Variants in NIBAN2 observed in about 807,000 individuals in gnomAD.
The protein encoded by NIBAN2 is niban apoptosis regulator 2.
In NIBAN2, 36 loss-of-function variants were observed where a neutral mutation model predicts 81.8. The ratio of observed to expected loss-of-function variants is 0.44; its 90% confidence interval spans 0.34 to 0.58. The LOEUF (loss-of-function observed/expected upper bound fraction) is 0.58, where lower values mean the gene tolerates loss of function less well. NIBAN2 is among the 20% of genes least tolerant of loss of function. NIBAN2 has a pLI of 0.02. For missense variants in NIBAN2, 897 were observed against 1,014.1 expected, an observed-to-expected ratio of 0.88 and a Z score of 1.57; for synonymous variants, 445 against 441.6, an observed-to-expected ratio of 1.01 and a Z score of -0.10.
In NIBAN2 at chr9:127,508,628, C is replaced by CTGGCAACAGT; in HGVS notation, c.1318-91_1318-90insACTGTTGCCA. 1 of 1,107,282 alleles carries CTGGCAACAGT rather than the reference C, an allele frequency of 9.0e-7. No homozygotes were observed. 68.6% of individuals were successfully genotyped at this position (1,107,282 alleles called of 1,614,324 possible). A position where few individuals can be genotyped will look rare whatever the true frequency, so the allele number is the denominator to read the frequency against. The stretch of plus-strand genomic sequence containing the variant: ...TGAGGGGTCCTCATCCTCAACCAGC[C>CTGGCAACAGT]CCCCACCCCGAGGCCTGCCAGGGAG... On this transcript the variant is annotated intron_variant, in intron 10 of 13. Coordinates refer to ENST00000373312, the MANE Select transcript of NIBAN2 (RefSeq NM_022833.4). This position sits in a 1 kb window ranked among gnomAD's most constrained non-coding sequence, Gnocchi z 6.4.
At position 127,563,367 on chromosome 9, in the gene NIBAN2, C is replaced by T. The variant is rs1837805997; in HGVS notation, c.55+5453G>A. On this transcript the variant is annotated intron_variant, in intron 1 of 13. Transcript: ENST00000373312. This position sits in a 1 kb window ranked among gnomAD's most constrained non-coding sequence, Gnocchi z 4.1. Reference sequence around the variant, plus strand: ...CCCGGACCTTGGCTAAGGGCAGCGGCCCAGGCCCAGGCACTGCTTCCGGCC... The same window carrying T: ...CCCGGACCTTGGCTAAGGGCAGCGGTCCAGGCCCAGGCACTGCTTCCGGCC... Among the ~76,000 whole-genome samples the T allele has an allele frequency of 6.6e-6, 1 of 152,264 alleles. No homozygotes were observed. Among genetic ancestry groups the T allele is most frequent in the Non-Finnish European group, 1.5e-5 (1 of 68,048 alleles).
rs1837905785 is a variant in NIBAN2, at chr9:127,568,890, C to T, written c.-16G>A. 3 of 1,281,126 alleles carry T rather than the reference C, an allele frequency of 2.3e-6. No homozygotes were observed. Among genetic ancestry groups the T allele is most frequent in the South Asian group, 2.3e-5 (1 of 44,374 alleles). 79.4% of individuals were successfully genotyped at this position (1,281,126 alleles called of 1,614,324 possible). Reference sequence around the variant, plus strand: ...CGTCCCCCATGGCCAGGAGGTGTCGCGGCCCGATCCGGCCGACGCCGCCGC... The same window carrying T: ...CGTCCCCCATGGCCAGGAGGTGTCGTGGCCCGATCCGGCCGACGCCGCCGC... On this transcript the variant is annotated 5_prime_UTR_variant, in exon 1 of 14. Coordinates refer to ENST00000373312, the MANE Select transcript of NIBAN2 (RefSeq NM_022833.4).
chr9:127,526,411 A>G (rs1214876980), intron 3 of NIBAN2, among the ~76,000 whole-genome samples: 4 of 151,312 alleles, frequency 2.6e-5, no homozygotes, highest in East Asian at 1.9e-4. Context: ...AAAAAAAAAA[A>G]AAAAGAAAAA....
At chr9:127,518,138 C>A (rs1467851291) in intron 5 of NIBAN2, among the ~76,000 whole-genome samples, 197 bp from the exon 6 acceptor site, 1 of 152,180 alleles carries the variant, frequency 6.6e-6, no homozygotes, top group Non-Finnish European at 1.5e-5. Flanking sequence ...GACCCCACCA[C>A]CAACAGTGAC....
chr9:127,514,348 C>A (rs939159187), intron 8 of NIBAN2, among the ~76,000 whole-genome samples: 1 of 151,586 alleles, frequency 6.6e-6, no homozygotes, highest in Non-Finnish European at 1.5e-5. Flanking sequence ...GGGATAGATA[C>A]CCCATTTCCC....
intron 1 of NIBAN2, among the ~76,000 whole-genome samples, chr9:127,537,861 C>T (rs1011976128): frequency 1.1e-4 from 17 of 152,214 alleles, no homozygotes; most frequent in African/African-American, 3.9e-4. Context: ...CAGAGGTTGT[C>T]ACAAAAGGCG....
At chr9:127,562,942 A>G (rs553429185) in intron 1 of NIBAN2, among the ~76,000 whole-genome samples, 5 of 152,180 alleles carry the variant, frequency 3.3e-5, no homozygotes, top group Non-Finnish European at 7.3e-5. Context: ...GCAAGACACA[A>G]ACTTGAGTCA....
intron 9 of NIBAN2, 43 bp downstream of exon 9, chr9:127,510,103 C>G: frequency 6.4e-7 from 1 of 1,565,172 alleles, no homozygotes; most frequent in Non-Finnish European, 8.7e-7. Flanking sequence ...CAGACCAGAC[C>G]TACTCTCAGG....
At chr9:127,533,929 G>A (rs576160609) in intron 1 of NIBAN2, among the ~76,000 whole-genome samples, 12 of 152,348 alleles carry the variant, frequency 7.9e-5, no homozygotes, top group African/African-American at 2.9e-4. Flanking sequence ...TCTTCTGCGC[G>A]GTTTCTGAAT....
At chr9:127,553,220 G>C (rs964537383) in intron 1 of NIBAN2, among the ~76,000 whole-genome samples, 3 of 152,208 alleles carry the variant, frequency 2.0e-5, no homozygotes, top group Non-Finnish European at 4.4e-5. Context: ...CAATAAAGGG[G>C]GAAGACTGGG....
chr9:127,524,792 G>T, intron 4 of NIBAN2: 1 of 356,964 alleles, frequency 2.8e-6, no homozygotes, highest in Non-Finnish European at 5.1e-6. Context: ...TGAAGCAAAA[G>T]CAGGATGCCA....
At chr9:127,560,249 C>T (rs1055097581) in intron 1 of NIBAN2, among the ~76,000 whole-genome samples, 1 of 152,196 alleles carries the variant, frequency 6.6e-6, no homozygotes, top group African/African-American at 2.4e-5. Context: ...CTGTAGCCAA[C>T]AGTCACGTAC....
At chr9:127,513,220 A>G (rs1023393061) in intron 8 of NIBAN2, among the ~76,000 whole-genome samples, 2 of 152,258 alleles carry the variant, frequency 1.3e-5, no homozygotes, top group African/African-American at 2.4e-5. Flanking sequence ...GTAAAAACAG[A>G]CAAATAAACA....
At chr9:127,535,762 G>GGC (rs1157343280) in intron 1 of NIBAN2, among the ~76,000 whole-genome samples, 1 of 152,042 alleles carries the variant, frequency 6.6e-6, no homozygotes, top group East Asian at 1.9e-4. Context: ...CAGGAACTCT[G>GGC]CTGGAGGGGT....
chr9:127,548,470 C>T (rs1837514749), intron 1 of NIBAN2, among the ~76,000 whole-genome samples: 1 of 152,144 alleles, frequency 6.6e-6, no homozygotes, highest in Non-Finnish European at 1.5e-5. Flanking sequence ...TGGCCCTGGG[C>T]AAGTTCTGGT....
chr9:127,509,142 CG>C lies in NIBAN2; in HGVS notation c.1162-12del. The stretch of plus-strand genomic sequence containing the variant: ...CAGCTTCTCCATGTACTGCAGGGGC[CG>C]GGGCCGCGGGGGCTGAGCAGGGCCG... On this transcript the variant is annotated splice_polypyrimidine_tract_variant and intron_variant, in intron 9 of 13. Coordinates refer to ENST00000373312, the MANE Select transcript of NIBAN2 (RefSeq NM_022833.4). The C allele has an allele frequency of 6.2e-7, 1 of 1,603,540 alleles. No homozygotes were observed.
At chr9:127,566,276 C>T (rs567380551) in intron 1 of NIBAN2, among the ~76,000 whole-genome samples, 12 of 152,296 alleles carry the variant, frequency 7.9e-5, no homozygotes, top group African/African-American at 2.4e-4. Flanking sequence ...GTGGCCCACC[C>T]ACTTCGGTTC....
intron 9 of NIBAN2, 100 bp from the exon 10 acceptor site, chr9:127,509,231 G>C: frequency 2.6e-6 from 3 of 1,174,662 alleles, no homozygotes; most frequent in Non-Finnish European, 2.3e-6. Context: ...AGGCCCTGGG[G>C]CTGGCGCCTG....
chr9:127,574,657 A>T (rs1837987160), intron 1 of NIBAN2, among the ~76,000 whole-genome samples: 1 of 152,158 alleles, frequency 6.6e-6, no homozygotes, highest in Non-Finnish European at 1.5e-5. Context: ...AACCTGAAAT[A>T]GACCAGGAGA....
Sources: gnomAD v4.1 joint callset for allele counts (sites outside exome capture counted in the v4.1 genomes callset) on GRCh38, gnomAD v4.1.1 for gene constraint, Gnocchi (gnomAD v3.1) non-coding constraint, MANE v1.5 for transcripts, NCBI Gene and HGNC (gene_info 2026-07-23, HGNC 2026-07-21) for gene names.